The following VPS53 variants were observed in gnomAD, a reference collection of about 807,000 sequenced individuals.
VPS53 encodes vacuolar protein sorting-associated protein 53 homolog.
Under a neutral mutation model 107.0 loss-of-function variants are expected in VPS53, and 70 were observed. That is an observed-to-expected ratio of 0.65 (90% CI 0.54 to 0.80). The LOEUF (loss-of-function observed/expected upper bound fraction) is 0.80, where lower values mean the gene tolerates loss of function less well. VPS53 is among the 30% of genes least tolerant of loss of function. The pLI is 0.00. For synonymous variants in VPS53, 409 were observed against 393.3 expected, an observed-to-expected ratio of 1.04 and a Z score of -0.47; for missense variants, 917 against 1,049.4, an observed-to-expected ratio of 0.87 and a Z score of 1.74.
intron 2 of VPS53, among the ~76,000 whole-genome samples, chr17:708,965 C>T (rs1381056592): frequency 1.3e-5 from 2 of 152,180 alleles, no homozygotes; most frequent in East Asian, 1.9e-4. Context: ...TTTCTTTCCG[C>T]CCACGCCTTC....
chr17:667,016 A>T (rs561974892), intron 4 of VPS53, among the ~76,000 whole-genome samples: 36 of 152,218 alleles, frequency 2.4e-4, no homozygotes, highest in Non-Finnish European at 4.9e-4. Context: ...GGGAATGGAC[A>T]GCGATGACAT....
intron 19 of VPS53, among the ~76,000 whole-genome samples, chr17:529,194 G>A (rs1463012383): frequency 6.6e-6 from 1 of 152,150 alleles, no homozygotes; most frequent in African/African-American, 2.4e-5. Flanking sequence ...ACATGTGTGG[G>A]TCTATCCCTC....
intron 17 of VPS53, among the ~76,000 whole-genome samples, chr17:546,613 T>C (rs1422244709): frequency 6.6e-6 from 1 of 152,080 alleles, no homozygotes; most frequent in East Asian, 1.9e-4. Context: ...TCTGAGAAGG[T>C]GATCAACATA....
chr17:523,023 A>T (rs1029463934), intron 19 of VPS53: 1 of 152,174 alleles, frequency 6.6e-6, no homozygotes, highest in African/African-American at 2.4e-5. Context: ...GAAAAGGTGG[A>T]CTGGAAGCTG....
At chr17:659,008 C>CA (rs1971333651) in intron 5 of VPS53, among the ~76,000 whole-genome samples, 1 of 151,182 alleles carries the variant, frequency 6.6e-6, no homozygotes, top group Admixed American at 6.6e-5. Flanking sequence ...TCTCCTGTAA[C>CA]CTCCAAACAA....
At chr17:668,321 T>C (rs549093420) in intron 4 of VPS53, among the ~76,000 whole-genome samples, 2 of 152,312 alleles carry the variant, frequency 1.3e-5, no homozygotes, top group East Asian at 3.9e-4. Flanking sequence ...CAGTGGGACC[T>C]TGACAAATAT....
intron 1 of VPS53, among the ~76,000 whole-genome samples, 200 bp from the exon 2 acceptor site, chr17:710,813 C>T (rs1383293520): frequency 6.6e-6 from 1 of 151,816 alleles, no homozygotes; most frequent in Admixed American, 6.6e-5. Flanking sequence ...GTGGTGTTGG[C>T]GCACACCTGT....
intron 13 of VPS53, among the ~76,000 whole-genome samples, chr17:572,062 G>A (rs1222769949): frequency 2.0e-5 from 3 of 149,872 alleles, no homozygotes; most frequent in Non-Finnish European, 4.4e-5. Context: ...AGTGAGGAGC[G>A]TCTCTGCCCG....
intron 17 of VPS53, among the ~76,000 whole-genome samples, chr17:550,333 C>T (rs1373906731): frequency 1.3e-5 from 2 of 152,156 alleles, no homozygotes; most frequent in East Asian, 3.8e-4. Context: ...CCAGAATTTG[C>T]TACAAGAGCC....
intron 4 of VPS53, among the ~76,000 whole-genome samples, chr17:689,464 A>ATT (rs1184638230): frequency 5.0e-4 from 56 of 111,634 alleles, no homozygotes; most frequent in Non-Finnish European, 7.7e-4. Context: ...TGCTGGACTA[A>ATT]TTTTTTTTTT....
At chr17:682,419 G>C (rs1380912349) in intron 4 of VPS53, among the ~76,000 whole-genome samples, 1 of 152,208 alleles carries the variant, frequency 6.6e-6, no homozygotes, top group Non-Finnish European at 1.5e-5. Flanking sequence ...CAAGCATCCT[G>C]AAATCCAAGA....
chr17:662,821 G>GAAAAAAAGAA (rs1567719949), intron 4 of VPS53, among the ~76,000 whole-genome samples: 39 of 101,518 alleles, frequency 3.8e-4, no homozygotes, highest in Admixed American at 6.8e-4. Context: ...AAGAAAGAAA[G>GAAAAAAAGAA]AGAAAGAGAA....
chr17:522,815 T>A (rs967626088), intron 19 of VPS53: 1 of 152,232 alleles, frequency 6.6e-6, no homozygotes, highest in Non-Finnish European at 1.5e-5. Flanking sequence ...GGGAATGACA[T>A]GAGGAACGTT....
intron 4 of VPS53, among the ~76,000 whole-genome samples, chr17:679,640 A>G (rs1285980871): frequency 1.3e-5 from 2 of 152,228 alleles, no homozygotes; most frequent in African/African-American, 4.8e-5. Context: ...TCAACTCAAG[A>G]AGTGGAAGAT....
intron 7 of VPS53, among the ~76,000 whole-genome samples, chr17:646,785 C>T (rs12951093): frequency 0.028 from 1,195 of 43,438 alleles, no homozygotes; most frequent in African/African-American, 0.034. Flanking sequence ...GACTGGAGAT[C>T]GGCTCCCACA....
chr17:570,720 C>T (rs1405803177), intron 13 of VPS53, among the ~76,000 whole-genome samples: 1 of 152,104 alleles, frequency 6.6e-6, no homozygotes, highest in Non-Finnish European at 1.5e-5. Context: ...AAACTAACAA[C>T]CTGTGATCCT....
intron 7 of VPS53, among the ~76,000 whole-genome samples, chr17:652,334 A>G (rs1475349494): frequency 6.6e-6 from 1 of 152,164 alleles, no homozygotes; most frequent in African/African-American, 2.4e-5. Context: ...ACAGCAATCT[A>G]TCCCATCCCA....
Position 536,787 on chromosome 17 carries a change from C to T in VPS53, c.2015+241G>A, listed in dbSNP as rs151155555. 515 of 458,408 alleles carry T rather than the reference C, an allele frequency of 1.1e-3. 5 individuals carry two copies. The East Asian group carries it at 0.018, about 16-fold the overall frequency. The allele number at this position is 458,408 out of a possible 1,614,324, so 28.4% of individuals were successfully genotyped here. On this transcript the variant is annotated intron_variant, in intron 18 of 21. Coordinates refer to ENST00000437048, the MANE Select transcript of VPS53 (RefSeq NM_001128159.3). ...TTGTCCAAACCGAGGGAATGTCCAG[C>T]GCGACGTCAGAGTCCGGGTGATAAT...
At chr17:653,913 T>C (rs926261453) in intron 6 of VPS53, among the ~76,000 whole-genome samples, 34 of 152,204 alleles carry the variant, frequency 2.2e-4, no homozygotes, top group Admixed American at 6.5e-4. Context: ...CCCCGCGCTG[T>C]GGGAGGCCGA....
Sources: allele counts gnomAD v4.1 joint callset (sites outside exome capture counted in the v4.1 genomes callset), GRCh38; gene constraint gnomAD v4.1.1; transcripts MANE v1.5; gene names NCBI Gene and HGNC (gene_info 2026-07-23, HGNC 2026-07-21).